TMEM244: variants seen among roughly 807,000 people sequenced by gnomAD.
TMEM244 encodes the protein transmembrane protein 244.
Under a neutral mutation model 15.8 loss-of-function variants are expected in TMEM244, and 13 were observed. That is an observed-to-expected ratio of 0.82 (90% confidence interval 0.53 to 1.30). The LOEUF (loss-of-function observed/expected upper bound fraction) is 1.30, where lower values mean the gene tolerates loss of function less well. TMEM244 is among the 50% of genes most tolerant of loss of function. The pLI, the probability that TMEM244 is intolerant of heterozygous loss-of-function variation, is 0.00. For synonymous variants in TMEM244, 45 were observed against 48.7 expected, an observed-to-expected ratio of 0.92 and a Z score of 0.32; for missense variants, 161 against 144.9, an observed-to-expected ratio of 1.11 and a Z score of -0.57.
chr6:129,858,298 T>A (rs1047877221), intron 1 of TMEM244, among the ~76,000 whole-genome samples: 1 of 152,200 alleles, frequency 6.6e-6, no homozygotes, highest in Non-Finnish European at 1.5e-5. Flanking sequence ...TGGGAGTATA[T>A]GATCTTTGAA....
At chr6:129,845,909 G>A (rs1776555037) in intron 1 of TMEM244, 57 bp from the exon 2 acceptor site, 1 of 1,182,812 alleles carries the variant, frequency 8.5e-7, no homozygotes, top group Non-Finnish European at 1.2e-6. Flanking sequence ...ATGGTCTTTG[G>A]TAACTATTTT....
At chr6:129,833,371 CA>C in intron 4 of TMEM244, 88 bp downstream of exon 4, 2 of 1,392,366 alleles carry the variant, frequency 1.4e-6, no homozygotes, top group South Asian at 3.2e-5. Context: ...CAAGAATATG[CA>C]GACAACAAAG....
At chr6:129,849,197 T>C (rs1776603144) in intron 1 of TMEM244, among the ~76,000 whole-genome samples, 1 of 152,034 alleles carries the variant, frequency 6.6e-6, no homozygotes, top group Admixed American at 6.6e-5. Flanking sequence ...TAAATATAAA[T>C]ATAATATCAA....
chr6:129,853,775 G>A lies in TMEM244; in HGVS notation c.33+7381C>T, dbSNP rs548795834. 2.0e-5 allele frequency among the ~76,000 whole-genome samples: 3 copies of A among 152,318 alleles called. No homozygotes were observed. The South Asian group carries it at 6.2e-4, about 32-fold the overall frequency. On this transcript the variant is annotated intron_variant, in intron 1 of 4. Coordinates refer to ENST00000368143, the MANE Select transcript of TMEM244 (RefSeq NM_001010876.2). ...TCCCAAAAGCATGAGCACTATCTTT[G>A]CTAGGGCTAGGCTGGAACCTGGATA...
At chr6:129,857,865 TCTGATCAG>T (rs1776739407) in intron 1 of TMEM244, among the ~76,000 whole-genome samples, 1 of 150,894 alleles carries the variant, frequency 6.6e-6, no homozygotes, top group African/African-American at 2.4e-5. Context: ...TATATATATA[TCTGATCAG>T]ACAAAATCAT....
intron 1 of TMEM244, among the ~76,000 whole-genome samples, chr6:129,851,831 A>G (rs1306727336): frequency 6.6e-6 from 1 of 152,222 alleles, no homozygotes; most frequent in Non-Finnish European, 1.5e-5. Context: ...CAGTCTAGAT[A>G]TTTGGCTACT....
intron 1 of TMEM244, among the ~76,000 whole-genome samples, chr6:129,854,046 T>A (rs543232037): frequency 1.3e-5 from 2 of 152,342 alleles, no homozygotes; most frequent in East Asian, 3.9e-4. Context: ...GTCTTCTAGA[T>A]ATCGTTTTAT....
At chr6:129,854,057 G>T (rs1273559018) in intron 1 of TMEM244, among the ~76,000 whole-genome samples, 1 of 152,090 alleles carries the variant, frequency 6.6e-6, no homozygotes, top group Non-Finnish European at 1.5e-5. Context: ...ATCGTTTTAT[G>T]GTTCTGCAAG....
chr6:129,847,369 T>G (rs1408633314), intron 1 of TMEM244, among the ~76,000 whole-genome samples: 2 of 152,182 alleles, frequency 1.3e-5, no homozygotes, highest in African/African-American at 2.4e-5. Flanking sequence ...TTATTAATTT[T>G]ACTTGAATGA....
intron 2 of TMEM244, 76 bp downstream of exon 2, chr6:129,845,691 T>C (rs1776551708): frequency 3.8e-6 from 4 of 1,066,116 alleles, no homozygotes; most frequent in South Asian, 1.3e-5. Flanking sequence ...TAAAGACATA[T>C]GAAATGTTAA....
chr6:129,837,276 T>A (rs1776422387), intron 3 of TMEM244, among the ~76,000 whole-genome samples: 1 of 152,156 alleles, frequency 6.6e-6, no homozygotes, highest in Non-Finnish European at 1.5e-5. Context: ...TATTCAACAT[T>A]CTTAAAGAAA....
intron 3 of TMEM244, among the ~76,000 whole-genome samples, chr6:129,836,651 C>T (rs1776412607): frequency 6.6e-6 from 1 of 152,068 alleles, no homozygotes. Context: ...ATCTTCTAAC[C>T]CATTGCAAGG....
chr6:129,850,571 T>C (rs889163115), intron 1 of TMEM244, among the ~76,000 whole-genome samples: 15 of 152,150 alleles, frequency 9.9e-5, no homozygotes, highest in Admixed American at 5.9e-4. Flanking sequence ...TGATTGGAAT[T>C]TGCAATTGAT....
chr6:129,854,802 T>G (rs959449434), intron 1 of TMEM244, among the ~76,000 whole-genome samples: 1 of 152,182 alleles, frequency 6.6e-6, no homozygotes, highest in African/African-American at 2.4e-5. Context: ...AATCCCACTG[T>G]AAGTCAAGGA....
chr6:129,840,346 A>G (rs919871115), intron 3 of TMEM244, among the ~76,000 whole-genome samples: 1 of 152,226 alleles, frequency 6.6e-6, no homozygotes, highest in Non-Finnish European at 1.5e-5. Context: ...TCCCTATTTA[A>G]TAAATGGTGC....
chr6:129,858,555 C>T (rs531739397), intron 1 of TMEM244, among the ~76,000 whole-genome samples: 1 of 152,162 alleles, frequency 6.6e-6, no homozygotes, highest in South Asian at 2.1e-4. Context: ...TAATTGCTTC[C>T]ATAATATTAT....
intron 2 of TMEM244, among the ~76,000 whole-genome samples, chr6:129,844,727 C>T (rs1584186767): frequency 6.6e-6 from 1 of 152,342 alleles, no homozygotes; most frequent in East Asian, 1.9e-4. Context: ...CATAGCCTCA[C>T]TGTCTCCAGT....
intron 4 of TMEM244, among the ~76,000 whole-genome samples, chr6:129,832,031 C>A (rs912926820): frequency 2.7e-5 from 4 of 150,548 alleles, no homozygotes; most frequent in African/African-American, 9.8e-5. Flanking sequence ...CTAATAGCAG[C>A]GAAGCTAGGA....
At chr6:129,854,022 C>T (rs1455856585) in intron 1 of TMEM244, among the ~76,000 whole-genome samples, 2 of 152,186 alleles carry the variant, frequency 1.3e-5, no homozygotes, top group African/African-American at 4.8e-5. Context: ...CATTTAACAA[C>T]ACCCTAGTGG....
Sources: gnomAD v4.1 joint callset for allele counts (sites outside exome capture counted in the v4.1 genomes callset) on GRCh38, gnomAD v4.1.1 for gene constraint, MANE v1.5 for transcripts, NCBI Gene and HGNC (gene_info 2026-07-23, HGNC 2026-07-21) for gene names.